Variants in GIGYF2 observed in about 807,000 individuals in gnomAD.
GIGYF2 encodes the protein GRB10-interacting GYF protein 2.
Under a neutral mutation model 208.1 loss-of-function variants are expected in GIGYF2, and 25 were observed. That is an observed-to-expected ratio of 0.12 (90% CI 0.09 to 0.17). The LOEUF (loss-of-function observed/expected upper bound fraction) is 0.17, where lower values mean the gene tolerates loss of function less well. GIGYF2 is among the 10% of genes least tolerant of loss of function. GIGYF2 has a pLI of 1.00. For missense variants in GIGYF2, 1,302 were observed against 1,579.4 expected, an observed-to-expected ratio of 0.82 and a Z score of 2.98; for synonymous variants, 534 against 543.8, an observed-to-expected ratio of 0.98 and a Z score of 0.25.
In GIGYF2 at chr2:232,847,490, CCAGCAGCGTCAGCAG is replaced by C. The variant is rs770396758; in HGVS notation, c.3611_3625del (p.Arg1204_Gln1208del). 6.2e-7 allele frequency: 1 copy of C among 1,605,568 alleles called. No homozygotes were observed. The highest frequency in any genetic ancestry group is 1.4e-5 in the African/African-American group (1 of 72,278). On this transcript the variant is annotated inframe_deletion, in exon 27 of 29. Coordinates refer to ENST00000373563, the MANE Select transcript of GIGYF2 (RefSeq NM_001103146.3). ...AGCGCCGTGCCAAACAGAAAGCCAA[CCAGCAGCGTCAGCAG>C]CAGCAGCTGCCACAGCAGCAGCAGC...
intron 9 of GIGYF2, chr2:232,788,551 G>A: frequency 2.1e-6 from 1 of 470,878 alleles, no homozygotes; most frequent in Non-Finnish European, 4.4e-6. Flanking sequence ...GATCTGGGCT[G>A]AGAGAGAAAA....
At position 232,761,247 on chromosome 2, in the gene GIGYF2, A is replaced by G. The variant is rs904841063; in HGVS notation, c.492-149A>G. On this transcript the variant is annotated intron_variant, in intron 7 of 28. Coordinates refer to ENST00000373563, the MANE Select transcript of GIGYF2 (RefSeq NM_001103146.3). ...TCTTTTTATCTTTGTGCTTTTCTAT[A>G]TTTTCGAAATATTAGGCAATAACTA... 2.5e-5 allele frequency: 15 copies of G among 593,468 alleles called. No homozygotes were observed. In the African/African-American group the frequency reaches 2.8e-4, roughly 11 times the overall value. 36.8% of individuals were successfully genotyped at this position (593,468 alleles called of 1,614,324 possible).
intron 20 of GIGYF2, among the ~76,000 whole-genome samples, chr2:232,818,306 T>C (rs1251743044): frequency 6.6e-6 from 1 of 152,240 alleles, no homozygotes; most frequent in Non-Finnish European, 1.5e-5. Context: ...CACGTATATT[T>C]GCTTTACAAC....
intron 5 of GIGYF2, among the ~76,000 whole-genome samples, chr2:232,750,277 A>C (rs1002143744): frequency 2.0e-5 from 3 of 152,174 alleles, no homozygotes; most frequent in African/African-American, 7.2e-5. Flanking sequence ...TACACAGAGG[A>C]AAATGCACCT....
rs1039543850 is a variant in GIGYF2, at chr2:232,806,243, A to G, written c.1640-248A>G. Among the ~76,000 whole-genome samples the G allele has an allele frequency of 6.6e-6, 1 of 152,240 alleles. No homozygotes were observed. Among genetic ancestry groups the G allele is most frequent in the African/African-American group, 2.4e-5 (1 of 41,466 alleles). Reference sequence around the variant, plus strand: ...CATGAATTGTTGTAGAGATTGAGATAGAGACAGTTATGCTCCTTATAATTG... The same window carrying G: ...CATGAATTGTTGTAGAGATTGAGATGGAGACAGTTATGCTCCTTATAATTG... On this transcript the variant is annotated intron_variant, in intron 14 of 28. Transcript: ENST00000373563. The surrounding 1 kb of genome is among the most constrained non-coding windows in gnomAD (Gnocchi z 4.0).
At chr2:232,807,154 T>G (rs1700585230) in intron 15 of GIGYF2, among the ~76,000 whole-genome samples, 1 of 152,178 alleles carries the variant, frequency 6.6e-6, no homozygotes, top group Non-Finnish European at 1.5e-5. Flanking sequence ...AGGTTTGCCT[T>G]AAAATAAATG....
chr2:232,828,427 A>T (rs1701317089), intron 21 of GIGYF2, among the ~76,000 whole-genome samples: 2 of 139,012 alleles, frequency 1.4e-5, no homozygotes, highest in Non-Finnish European at 3.1e-5. Flanking sequence ...TTCCATGTGC[A>T]TTTCTGGGTG....
chr2:232,798,546 A>G (rs1276569051), intron 14 of GIGYF2, among the ~76,000 whole-genome samples: 1 of 152,188 alleles, frequency 6.6e-6, no homozygotes, highest in African/African-American at 2.4e-5. Context: ...TGAGCAATCC[A>G]GTTTCTCCAC....
intron 3 of GIGYF2, among the ~76,000 whole-genome samples, chr2:232,737,217 G>C (rs903862134): frequency 1.3e-5 from 2 of 152,178 alleles, no homozygotes; most frequent in Admixed American, 1.3e-4. Flanking sequence ...TCTCAGTGTA[G>C]TATTGAGCAT....
chr2:232,791,341 C>G lies in GIGYF2; in HGVS notation c.1177C>G (p.Gln393Glu). 6.2e-7 allele frequency: 1 copy of G among 1,613,958 alleles called. No individual in the cohort carries two copies. The highest frequency in any genetic ancestry group is 8.5e-7 in the Non-Finnish European group (1 of 1,179,890). ...AGACCATCAGTCTCAGGAAGCATCA[C>G]AGTTTGAGAGGAAAGATGAACCAAA... ...PSDHQSQEAS[Q>E]FERKDEPKTE... Residue 393 changes from glutamine (Q) to glutamate (E), a missense_variant, in exon 12 of 29, where the codon CAG becomes GAG. Gln to Glu is a conservative substitution (Grantham distance 29). Transcript: ENST00000373563.
rs181084323 is a variant in GIGYF2, at chr2:232,804,260, G to C, written c.1640-2231G>C. On this transcript the variant is annotated intron_variant, in intron 14 of 28. Transcript: ENST00000373563. ...AAGACTTGATGTCTTTACCATGTTA[G>C]TCTTTTAGTTCATGAACTTGGTATG... 2.0e-3 allele frequency among the ~76,000 whole-genome samples: 293 copies of C among 150,088 alleles called. 2 individuals carry two copies. The highest frequency in any genetic ancestry group is 0.01 in the Middle Eastern group (3 of 294).
At chr2:232,765,835 A>AT (rs1411555179) in intron 8 of GIGYF2, 1 of 447,856 alleles carries the variant, frequency 2.2e-6, no homozygotes, top group Non-Finnish European at 4.6e-6. Flanking sequence ...GGCCCCTGAG[A>AT]TTTTTAGGTA....
chr2:232,749,212 G>T, intron 5 of GIGYF2, 130 bp downstream of exon 5: 7 of 734,626 alleles, frequency 9.5e-6, no homozygotes, highest in Non-Finnish European at 1.5e-5. Context: ...CTATTTCTTG[G>T]TATGTTGATG....
At chr2:232,705,154 C>T (rs531442968) in intron 2 of GIGYF2, among the ~76,000 whole-genome samples, 14 of 151,884 alleles carry the variant, frequency 9.2e-5, no homozygotes, top group African/African-American at 3.4e-4. Context: ...CCACCGCGCC[C>T]GGCCAACTTC....
intron 2 of GIGYF2, among the ~76,000 whole-genome samples, chr2:232,731,905 T>A (rs913720333): frequency 7.9e-5 from 12 of 152,212 alleles, no homozygotes; most frequent in African/African-American, 2.6e-4. Context: ...TTAAACTTAT[T>A]TAGCAAATAA....
chr2:232,834,539 T>C (rs896877889), intron 22 of GIGYF2, among the ~76,000 whole-genome samples: 1 of 152,206 alleles, frequency 6.6e-6, no homozygotes, highest in Non-Finnish European at 1.5e-5. Flanking sequence ...TTGTGTTTAA[T>C]CTACTCAGAA....
intron 16 of GIGYF2, 89 bp from the exon 17 acceptor site, chr2:232,811,155 G>T: frequency 2.7e-6 from 2 of 739,194 alleles, no homozygotes; most frequent in Admixed American, 3.8e-5. Flanking sequence ...CTCCTGGGGG[G>T]CTTTGAATTG....
intron 22 of GIGYF2, among the ~76,000 whole-genome samples, chr2:232,836,882 G>T (rs1414174320): frequency 6.6e-6 from 1 of 152,176 alleles, no homozygotes; most frequent in Non-Finnish European, 1.5e-5. Flanking sequence ...CCTTTGGGAA[G>T]AAACCTGGAG....
At chr2:232,826,533 C>G (rs11892639) in intron 21 of GIGYF2, among the ~76,000 whole-genome samples, 12,015 of 152,110 alleles carry the variant, frequency 0.079, 598 homozygotes, top group East Asian at 0.17. Flanking sequence ...CCAAAATAGA[C>G]AAATGGTATC....
Sources: allele counts gnomAD v4.1 joint callset (sites outside exome capture counted in the v4.1 genomes callset), GRCh38; gene constraint gnomAD v4.1.1; non-coding constraint Gnocchi (gnomAD v3.1); transcripts MANE v1.5; gene names NCBI Gene and HGNC (gene_info 2026-07-23, HGNC 2026-07-21).